The following PARP8 variants were observed in gnomAD, a reference collection of about 807,000 sequenced individuals.
PARP8 encodes protein mono-ADP-ribosyltransferase PARP8.
A neutral mutation model predicts 124.1 loss-of-function variants in PARP8; 51 were observed. The ratio of observed to expected loss-of-function variants is 0.41; its 90% CI spans 0.33 to 0.52. PARP8 has a LOEUF of 0.52. Among genes scored for constraint, PARP8 ranks in the 20% least tolerant of loss-of-function variants. The pLI is 0.21. For synonymous variants in PARP8, 391 were observed against 361.5 expected (o/e 1.08, Z -0.93); for missense variants, 860 against 1,018.9 (o/e 0.84, Z 2.12).
chr5:50,744,847 T>A, intron 2 of PARP8: 1 of 685,654 alleles, frequency 1.5e-6, no homozygotes, highest in Non-Finnish European at 2.6e-6. Flanking sequence ...CTTCTTTCAC[T>A]TTCACTTATG....
intron 14 of PARP8, among the ~76,000 whole-genome samples, chr5:50,801,582 ATC>A (rs1487505962): frequency 1.3e-5 from 2 of 152,246 alleles, no homozygotes; most frequent in East Asian, 3.9e-4. Flanking sequence ...CATTTGTATC[ATC>A]TCTCTGTCAG....
intron 3 of PARP8, among the ~76,000 whole-genome samples, chr5:50,755,144 G>A (rs1346296185): frequency 6.6e-6 from 1 of 152,124 alleles, no homozygotes; most frequent in Non-Finnish European, 1.5e-5. Context: ...TGTTCACTCT[G>A]ATGGTAGTTT....
chr5:50,668,058 C>T lies in PARP8; in HGVS notation c.92-13C>T. The T allele has an allele frequency of 3.1e-6, 5 of 1,612,098 alleles. No individual in the cohort carries two copies. Among genetic ancestry groups the T allele is most frequent in the Non-Finnish European group, 4.2e-6 (5 of 1,179,988 alleles). ...ACTCCAGGGGTAGCTTTTGACGGGA[C>T]TTTCTGTTTCAGATTTCAGATACTC... On this transcript the variant is annotated splice_polypyrimidine_tract_variant and intron_variant, in intron 1 of 25. Coordinates refer to ENST00000281631, the MANE Select transcript of PARP8 (RefSeq NM_024615.4).
chr5:50,703,924 T>C (rs1427490430), intron 2 of PARP8, among the ~76,000 whole-genome samples: 1 of 151,906 alleles, frequency 6.6e-6, no homozygotes, highest in Admixed American at 6.6e-5. Flanking sequence ...TCTTCCAACA[T>C]GAATTTTCCA....
At chr5:50,667,802 T>A (rs563942467) in intron 1 of PARP8, 10 of 986,624 alleles carry the variant, frequency 1.0e-5, no homozygotes, top group Non-Finnish European at 1.4e-5. Flanking sequence ...CGAGCCCGGC[T>A]GAGGCTGCTT....
intron 2 of PARP8, among the ~76,000 whole-genome samples, chr5:50,726,956 A>G (rs1407818670): frequency 6.6e-6 from 1 of 152,110 alleles, no homozygotes; most frequent in Non-Finnish European, 1.5e-5. Context: ...GTCGTTAGGA[A>G]CTACTCTCTC....
intron 2 of PARP8, among the ~76,000 whole-genome samples, chr5:50,670,106 C>A (rs926198674): frequency 6.6e-6 from 1 of 152,072 alleles, no homozygotes; most frequent in Non-Finnish European, 1.5e-5. Flanking sequence ...TTTTCATTAC[C>A]GACATTATAA....
intron 23 of PARP8, 80 bp downstream of exon 23, chr5:50,832,934 T>G (rs1747146916): frequency 1.5e-6 from 2 of 1,313,176 alleles, no homozygotes; most frequent in Non-Finnish European, 2.2e-6. Context: ...AAAATAGGCT[T>G]TTTAAGTCTG....
At chr5:50,729,846 T>TATAC (rs1756803478) in intron 2 of PARP8, among the ~76,000 whole-genome samples, 1 of 152,192 alleles carries the variant, frequency 6.6e-6, no homozygotes. Context: ...AGGAAAAAAG[T>TATAC]ATACATTAGG....
intron 18 of PARP8, 66 bp from the exon 19 acceptor site, chr5:50,826,689 A>G: frequency 2.6e-6 from 4 of 1,513,024 alleles, no homozygotes; most frequent in Non-Finnish European, 2.6e-6. Context: ...TCGGTTGCCA[A>G]CTAAGAAAAA....
At chr5:50,760,989 T>C (rs182284201) in intron 5 of PARP8, among the ~76,000 whole-genome samples, 26 of 152,260 alleles carry the variant, frequency 1.7e-4, no homozygotes, top group Admixed American at 1.6e-3. Flanking sequence ...TTGAGAATTA[T>C]TGGTTGAACA....
chr5:50,680,370 G>A (rs1262209309), intron 2 of PARP8, among the ~76,000 whole-genome samples: 1 of 152,014 alleles, frequency 6.6e-6, no homozygotes, highest in Non-Finnish European at 1.5e-5. Flanking sequence ...GGGTGAATGA[G>A]TACGGAGGTC....
At chr5:50,725,071 GTA>G (rs1756283086) in intron 2 of PARP8, among the ~76,000 whole-genome samples, 1 of 48,786 alleles carries the variant, frequency 2.0e-5, no homozygotes. Flanking sequence ...CATTGTGTGT[GTA>G]TGTGTATATA....
intron 2 of PARP8, among the ~76,000 whole-genome samples, chr5:50,700,059 G>T (rs1753432874): frequency 6.6e-6 from 1 of 152,030 alleles, no homozygotes; most frequent in Non-Finnish European, 1.5e-5. Context: ...CAAATATTAG[G>T]CATTCTGGTG....
At chr5:50,750,960 T>G (rs1347751048) in intron 3 of PARP8, among the ~76,000 whole-genome samples, 2 of 152,126 alleles carry the variant, frequency 1.3e-5, no homozygotes, top group Non-Finnish European at 2.9e-5. Context: ...CAGCCCTGTC[T>G]GATAGTGTAG....
rs1744508802 is a variant in PARP8, at chr5:50,811,992, T to C, written c.1576-3440T>C. On this transcript the variant is annotated intron_variant, in intron 14 of 25. Coordinates refer to ENST00000281631, the MANE Select transcript of PARP8 (RefSeq NM_024615.4). ...TTTTCTTAATCCAGTCTGTCATTGA[T>C]GGACATTTGGGTTGGTTCCAAGTCT... 7.2e-5 allele frequency among the ~76,000 whole-genome samples: 11 copies of C among 152,234 alleles called. 1 individual carries two copies. In the South Asian group the frequency reaches 2.3e-3, roughly 31 times the overall value.
At chr5:50,826,684 T>C in intron 18 of PARP8, 71 bp from the exon 19 acceptor site, 1 of 1,505,466 alleles carries the variant, frequency 6.6e-7, no homozygotes, top group Non-Finnish European at 8.8e-7. Flanking sequence ...TTTAATCGGT[T>C]GCCAACTAAG....
At chr5:50,816,999 T>C (rs1304110814) in intron 15 of PARP8, among the ~76,000 whole-genome samples, 1 of 152,168 alleles carries the variant, frequency 6.6e-6, no homozygotes, top group Non-Finnish European at 1.5e-5. Flanking sequence ...TATATTTATA[T>C]AGATTTGTGT....
chr5:50,683,985 G>A (rs577885477), intron 2 of PARP8, among the ~76,000 whole-genome samples: 23 of 152,250 alleles, frequency 1.5e-4, no homozygotes, highest in African/African-American at 5.5e-4. Flanking sequence ...ATTTTCGTAA[G>A]CATTTATAGG....
Sources: allele counts gnomAD v4.1 joint callset (sites outside exome capture counted in the v4.1 genomes callset), GRCh38; gene constraint gnomAD v4.1.1; transcripts MANE v1.5; gene names NCBI Gene and HGNC (gene_info 2026-07-23, HGNC 2026-07-21).